Variants in CEP162 observed in about 807,000 individuals in gnomAD.
CEP162 encodes the protein centrosomal protein of 162 kDa.
In CEP162, 141 loss-of-function variants were observed where a neutral mutation model predicts 169.2. That is an observed-to-expected ratio of 0.83 (90% confidence interval 0.73 to 0.96). CEP162 has a LOEUF of 0.96. CEP162 is among the 40% of genes least tolerant of loss of function. The pLI is 0.00. For synonymous variants in CEP162, 540 were observed against 526.4 expected (o/e 1.03, Z -0.35); for missense variants, 1,600 against 1,587.2 (o/e 1.01, Z -0.14).
chr6:84,205,635 A>G (rs2099546597), intron 6 of CEP162, among the ~76,000 whole-genome samples: 1 of 152,206 alleles, frequency 6.6e-6, no homozygotes, highest in African/African-American at 2.4e-5. Flanking sequence ...CAAAAGCTGG[A>G]AGCATTCCCT....
At chr6:84,216,317 T>C (rs73487258) in intron 3 of CEP162, among the ~76,000 whole-genome samples, 9,107 of 152,228 alleles carry the variant, frequency 0.06, 899 homozygotes, top group African/African-American at 0.21. Context: ...GTGGGTGGCA[T>C]GAATTACTAT....
chr6:84,193,673 C>G lies in CEP162; in HGVS notation c.1045G>C (p.Glu349Gln). The stretch of plus-strand genomic sequence containing the variant: ...TCTATTCTGATAGGTTTCATCAGCT[C>G]CTCTACTGTGGGCAGATCTAAGAGG... ...TMESDLPTVE[E>Q]LMKPIRIDSF... Residue 349 changes from glutamate to glutamine, a missense_variant, in exon 11 of 27, where the codon GAG becomes CAG. By Grantham distance (29) the Glu-to-Gln change is conservative (BLOSUM62 2). Coordinates refer to ENST00000403245, the MANE Select transcript of CEP162 (RefSeq NM_014895.4). The G allele has an allele frequency of 6.4e-7, 1 of 1,566,192 alleles. No individual in the cohort carries two copies. The highest frequency in any genetic ancestry group is 8.7e-7 in the Non-Finnish European group (1 of 1,153,998).
At chr6:84,154,258 TA>T (rs1186000566) in intron 22 of CEP162, among the ~76,000 whole-genome samples, 1 of 152,156 alleles carries the variant, frequency 6.6e-6, no homozygotes, top group Non-Finnish European at 1.5e-5. Flanking sequence ...GGTGGAACAC[TA>T]ATAATAATTA....
At chr6:84,141,655 T>C (rs537577556) in intron 25 of CEP162, among the ~76,000 whole-genome samples, 72 of 152,296 alleles carry the variant, frequency 4.7e-4, no homozygotes, top group African/African-American at 1.7e-3. Context: ...CAGAAAGTAC[T>C]CCAGCCTGAT....
At chr6:84,164,698 G>C (rs979020124) in intron 18 of CEP162, among the ~76,000 whole-genome samples, 3 of 152,052 alleles carry the variant, frequency 2.0e-5, no homozygotes, top group African/African-American at 7.2e-5. Context: ...ACCTGTCGGG[G>C]GGTGAGGGGC....
intron 25 of CEP162, among the ~76,000 whole-genome samples, chr6:84,141,950 T>G (rs575235477): frequency 6.6e-5 from 10 of 152,320 alleles, no homozygotes; most frequent in African/African-American, 1.7e-4. Context: ...AAATGCCTTC[T>G]TGGAGAAAAC....
intron 2 of CEP162, among the ~76,000 whole-genome samples, chr6:84,223,872 C>T (rs1032819063): frequency 2.0e-5 from 3 of 151,668 alleles, no homozygotes; most frequent in African/African-American, 7.3e-5. Flanking sequence ...CACCACAGCA[C>T]TCCAGCCTGG....
intron 10 of CEP162, 108 bp downstream of exon 10, chr6:84,194,776 A>G: frequency 1.1e-6 from 1 of 933,868 alleles, no homozygotes; most frequent in Non-Finnish European, 1.6e-6. Context: ...AATTAAGCTC[A>G]GAGACTGAGA....
Position 84,185,444 on chromosome 6 carries a change from T to C in CEP162, c.1406A>G (p.Tyr469Cys). 1 of 1,612,822 alleles carries C rather than the reference T, an allele frequency of 6.2e-7. No homozygotes were observed. Among genetic ancestry groups the C allele is most frequent in the Non-Finnish European group, 8.5e-7 (1 of 1,179,060 alleles). The stretch of plus-strand genomic sequence containing the variant: ...TTCTTCAGAACTAAGTTGAGATCTG[T>C]AAGTCTGTACACAACAAACAAAAGC... ...LSQDDKINKT[Y>C]RSQLSSEEEG... The change falls in exon 13 of 27, where the codon TAC becomes TGC. Residue 469 changes from tyrosine (Y) to cysteine (C), a missense_variant. Physicochemically the swap from Tyr to Cys is radical, Grantham distance 194 (BLOSUM62 -2). Transcript: ENST00000403245.
intron 2 of CEP162, among the ~76,000 whole-genome samples, chr6:84,225,083 A>G (rs1355514074): frequency 6.6e-6 from 1 of 152,204 alleles, no homozygotes; most frequent in Non-Finnish European, 1.5e-5. Flanking sequence ...TTTTTTAACA[A>G]GAATGTATAA....
chr6:84,135,614 G>A lies in CEP162; in HGVS notation c.3871-9102C>T, dbSNP rs181936988. 9.3e-5 allele frequency among the ~76,000 whole-genome samples: 14 copies of A among 151,096 alleles called. No homozygotes were observed. The East Asian group carries it at 1.3e-3, about 15-fold the overall frequency. On this transcript the variant is annotated intron_variant, in intron 25 of 26. Coordinates refer to ENST00000403245, the MANE Select transcript of CEP162 (RefSeq NM_014895.4). Reference sequence around the variant, plus strand: ...GTGGTGGCTCACGCCTGTAATCCCAGCTCTTTGGGAGGCTGAGACGGGTGA... The same window carrying A: ...GTGGTGGCTCACGCCTGTAATCCCAACTCTTTGGGAGGCTGAGACGGGTGA...
At chr6:84,214,713 T>G (rs1189843923) in intron 5 of CEP162, among the ~76,000 whole-genome samples, 1 of 152,176 alleles carries the variant, frequency 6.6e-6, no homozygotes, top group African/African-American at 2.4e-5. Context: ...ATTCATAATT[T>G]TAAGAATTAC....
chr6:84,193,798 G>A, intron 10 of CEP162, 108 bp from the exon 11 acceptor site: 1 of 570,090 alleles, frequency 1.8e-6, no homozygotes, highest in Non-Finnish European at 3.0e-6. Flanking sequence ...TAATAAAACG[G>A]TACATGCAAT....
chr6:84,172,947 C>T (rs1434015641), intron 16 of CEP162, among the ~76,000 whole-genome samples: 1 of 152,154 alleles, frequency 6.6e-6, no homozygotes, highest in Non-Finnish European at 1.5e-5. Flanking sequence ...GACTGTCAGG[C>T]TAGCAACACC....
At chr6:84,127,885 G>T (rs992881843) in intron 25 of CEP162, among the ~76,000 whole-genome samples, 1 of 152,160 alleles carries the variant, frequency 6.6e-6, no homozygotes, top group African/African-American at 2.4e-5. Context: ...GGGCCACAGA[G>T]AATTCCTAAG....
Position 84,152,577 on chromosome 6 carries a change from T to C in CEP162, c.3597A>G (p.Ala1199=). Reference sequence around the variant, plus strand: ...TGGAGTTTTCAAATTGATTCATCACTGCTTCAGATTTCATCTTCAGTTCAT... The same window carrying C: ...TGGAGTTTTCAAATTGATTCATCACCGCTTCAGATTTCATCTTCAGTTCAT... ...EKNELKMKSE[A]VMNQFENSMR... is the part of the protein sequence containing the mutation. Residue 1199 remains alanine (A), a synonymous_variant, in exon 23 of 27, where the codon GCA becomes GCG. Transcript: ENST00000403245. 1 of 1,533,218 alleles carries C rather than the reference T, an allele frequency of 6.5e-7. No homozygotes were observed. Among genetic ancestry groups the C allele is most frequent in the Non-Finnish European group, 8.8e-7 (1 of 1,139,276 alleles). 95.0% of individuals were successfully genotyped at this position (1,533,218 alleles called of 1,614,324 possible).
In CEP162 at chr6:84,152,899, T is replaced by A; in HGVS notation, c.3275A>T (p.Glu1092Val). 1 of 1,613,820 alleles carries A rather than the reference T, an allele frequency of 6.2e-7. No homozygotes were observed. The highest frequency in any genetic ancestry group is 8.5e-7 in the Non-Finnish European group (1 of 1,179,812). Reference sequence around the variant, plus strand: ...TTCTCTCTTTTTTGCAGCCAGTTCTTCATTGAGTCTTACTAATTTAGCTTT... The same window carrying A: ...TTCTCTCTTTTTTGCAGCCAGTTCTACATTGAGTCTTACTAATTTAGCTTT... ...HAKAKLVRLNEELAAKKREIQ... is the reference protein window; with the variant it reads ...HAKAKLVRLNVELAAKKREIQ... Residue 1092 changes from glutamate to valine, a missense_variant, in exon 23 of 27, where the codon GAA (glutamate) becomes GTA (valine). Physicochemically the swap from Glu to Val is moderately radical, Grantham distance 121 (BLOSUM62 -2). Coordinates refer to ENST00000403245, the MANE Select transcript of CEP162 (RefSeq NM_014895.4).
chr6:84,223,359 C>T (rs951912232), intron 2 of CEP162, among the ~76,000 whole-genome samples: 1 of 151,638 alleles, frequency 6.6e-6, no homozygotes. Context: ...ATTAGCTGGG[C>T]GTGGTGGCGC....
chr6:84,221,309 A>G (rs1045284831), intron 2 of CEP162, 138 bp from the exon 3 acceptor site: 2 of 471,978 alleles, frequency 4.2e-6, no homozygotes, highest in African/African-American at 2.0e-5. Flanking sequence ...TCAATAACGT[A>G]TAATTTCACA....
Sources: allele counts gnomAD v4.1 joint callset (sites outside exome capture counted in the v4.1 genomes callset), GRCh38; gene constraint gnomAD v4.1.1; transcripts MANE v1.5; gene names NCBI Gene and HGNC (gene_info 2026-07-23, HGNC 2026-07-21).